CILK1: variants seen among roughly 807,000 people sequenced by gnomAD.
CILK1 encodes serine/threonine-protein kinase ICK.
CILK1 carries 47 observed loss-of-function variants against 79.2 expected under a neutral mutation model. That is an observed-to-expected ratio of 0.59 (90% confidence interval 0.47 to 0.76). CILK1 has a LOEUF of 0.76. Ranked by LOEUF, CILK1 falls within the 30% of genes least tolerant of loss-of-function variation. The pLI, the probability that CILK1 is intolerant of heterozygous loss-of-function variation, is 0.00. For synonymous variants in CILK1, 266 were observed against 275.9 expected, an observed-to-expected ratio of 0.96 and a Z score of 0.36; for missense variants, 660 against 769.5, an observed-to-expected ratio of 0.86 and a Z score of 1.68.
chr6:53,006,970 C>T (rs1029726712), intron 12 of CILK1, among the ~76,000 whole-genome samples: 14 of 152,150 alleles, frequency 9.2e-5, no homozygotes, highest in Non-Finnish European at 1.8e-4. Flanking sequence ...ATGTGAAATA[C>T]CTTAACTTTT....
intron 1 of CILK1, among the ~76,000 whole-genome samples, chr6:53,050,013 G>C (rs1301846496): frequency 6.6e-6 from 1 of 152,146 alleles, no homozygotes; most frequent in Non-Finnish European, 1.5e-5. Context: ...GAGCCCCTGT[G>C]CCCAGCCTCA....
At chr6:53,048,555 C>T (rs1336355800) in intron 1 of CILK1, among the ~76,000 whole-genome samples, 6 of 152,194 alleles carry the variant, frequency 3.9e-5, no homozygotes, top group Admixed American at 6.5e-5. Context: ...TTCAGCTATT[C>T]ATCCTTTTTG....
intron 1 of CILK1, among the ~76,000 whole-genome samples, chr6:53,046,585 T>C (rs1393617474): frequency 6.6e-6 from 1 of 152,242 alleles, no homozygotes; most frequent in African/African-American, 2.4e-5. Flanking sequence ...ACTCTCACCA[T>C]ACCATGGCAG....
intron 3 of CILK1, among the ~76,000 whole-genome samples, chr6:53,035,751 G>A (rs1766288181): frequency 6.6e-6 from 1 of 152,158 alleles, no homozygotes; most frequent in South Asian, 2.1e-4. Context: ...CATGAGAAAC[G>A]ACAGTGATAA....
At chr6:53,061,081 G>A (rs1178321516) in intron 1 of CILK1, 1 of 152,220 alleles carries the variant, frequency 6.6e-6, no homozygotes, top group African/African-American at 2.4e-5. Flanking sequence ...TTACATATAA[G>A]TCCTTAATGT....
At chr6:53,006,536 T>C in intron 12 of CILK1, 99 bp from the exon 13 acceptor site, 1 of 1,370,424 alleles carries the variant, frequency 7.3e-7, no homozygotes, top group Non-Finnish European at 1.0e-6. Context: ...CAAACTAAGT[T>C]TTTACTTTTA....
chr6:53,052,146 T>C (rs1010870548), intron 1 of CILK1: 34 of 152,190 alleles, frequency 2.2e-4, no homozygotes, highest in Non-Finnish European at 4.3e-4. Flanking sequence ...AGTGAGAACA[T>C]GCAGTGTTTG....
chr6:53,047,391 A>G (rs1767153839), intron 1 of CILK1, among the ~76,000 whole-genome samples: 2 of 149,436 alleles, frequency 1.3e-5, no homozygotes, highest in South Asian at 4.3e-4. Context: ...TGTGGCCTCA[A>G]CCTCCTAGGC....
intron 5 of CILK1, among the ~76,000 whole-genome samples, chr6:53,023,480 G>C (rs2127426880): frequency 6.6e-6 from 1 of 152,278 alleles, no homozygotes; most frequent in Middle Eastern, 3.4e-3. Context: ...GGAAACCCAT[G>C]AGACAGCACT....
chr6:53,059,214 G>A (rs970583521), intron 1 of CILK1, among the ~76,000 whole-genome samples: 2 of 152,132 alleles, frequency 1.3e-5, no homozygotes, highest in Non-Finnish European at 2.9e-5. Flanking sequence ...ACCACAACTC[G>A]GGGGTGAAAC....
intron 1 of CILK1, chr6:53,051,966 GA>G (rs1316586183): frequency 6.6e-6 from 1 of 152,208 alleles, no homozygotes; most frequent in Non-Finnish European, 1.5e-5. Flanking sequence ...TTCATGTGCA[GA>G]ATGTGCAGGT....
At chr6:53,048,310 T>C (rs1767246040) in intron 1 of CILK1, among the ~76,000 whole-genome samples, 1 of 152,208 alleles carries the variant, frequency 6.6e-6, no homozygotes, top group Non-Finnish European at 1.5e-5. Context: ...TTGTTCCAAG[T>C]GTACAAAGGA....
At chr6:53,049,615 G>A (rs1767341477) in intron 1 of CILK1, among the ~76,000 whole-genome samples, 1 of 152,238 alleles carries the variant, frequency 6.6e-6, no homozygotes, top group African/African-American at 2.4e-5. Flanking sequence ...TGCATGACAA[G>A]TGGGGCCCAA....
chr6:53,009,300 G>A (rs1048524257), intron 12 of CILK1, 139 bp downstream of exon 12: 7 of 829,456 alleles, frequency 8.4e-6, no homozygotes, highest in Non-Finnish European at 1.5e-5. Context: ...GAGGAGGATA[G>A]GGCTGGAAAA....
At position 53,009,464 on chromosome 6, in the gene CILK1, C is replaced by G; in HGVS notation, c.1596G>C (p.Met532Ile). The change falls in exon 12 of 14, where the codon ATG becomes ATC. Residue 532 changes from methionine to isoleucine, a missense_variant. Physicochemically the swap from Met to Ile is conservative, Grantham distance 10 (BLOSUM62 1). Coordinates refer to ENST00000676107, the MANE Select transcript of CILK1 (RefSeq NM_014920.5). ...CTGAATTTACTTTGCTGATTACTGA[C>G]ATTGTCCCTGAAGATTTTCCAGACA... is the stretch of plus-strand genomic sequence containing the variant. ...SGLSGKSSGT[M>I]SVISKVNSVG... 2.5e-6 allele frequency: 4 copies of G among 1,614,092 alleles called. No homozygotes were observed. The highest frequency in any genetic ancestry group is 3.4e-6 in the Non-Finnish European group (4 of 1,179,960).
At chr6:53,050,880 T>C (rs1010191297) in intron 1 of CILK1, among the ~76,000 whole-genome samples, 9 of 152,190 alleles carry the variant, frequency 5.9e-5, no homozygotes, top group Admixed American at 1.3e-4. Flanking sequence ...ATTTTTGATA[T>C]ACAGCAATAT....
At chr6:53,009,771 A>C (rs978805838) in intron 11 of CILK1, among the ~76,000 whole-genome samples, 2 of 152,178 alleles carry the variant, frequency 1.3e-5, no homozygotes, top group Non-Finnish European at 2.9e-5. Flanking sequence ...GAGGCCTCTT[A>C]TGCTTCTAAG....
chr6:53,021,158 C>T (rs1486358939), intron 5 of CILK1, among the ~76,000 whole-genome samples: 1 of 152,164 alleles, frequency 6.6e-6, no homozygotes, highest in East Asian at 1.9e-4. Context: ...ACCATCTCTA[C>T]TAAAAATATT....
chr6:53,055,308 T>A (rs1296495400), intron 1 of CILK1, among the ~76,000 whole-genome samples: 1 of 152,254 alleles, frequency 6.6e-6, no homozygotes, highest in African/African-American at 2.4e-5. Flanking sequence ...TGAATACTGT[T>A]AATTTCTTTT....
Sources: allele counts gnomAD v4.1 joint callset (sites outside exome capture counted in the v4.1 genomes callset), GRCh38; gene constraint gnomAD v4.1.1; transcripts MANE v1.5; gene names NCBI Gene and HGNC (gene_info 2026-07-23, HGNC 2026-07-21).